ITGBL1: variants seen among roughly 807,000 people sequenced by gnomAD.
ITGBL1 encodes integrin subunit beta like 1, also known as integrin beta-like protein 1.
ITGBL1 carries 51 observed loss-of-function variants against 68.5 expected under a neutral mutation model. The ratio of observed to expected loss-of-function variants is 0.74; its 90% CI spans 0.59 to 0.94. ITGBL1 has a LOEUF of 0.94. ITGBL1 is among the 40% of genes least tolerant of loss of function. ITGBL1 has a pLI of 0.00. For synonymous variants in ITGBL1, 209 were observed against 227.3 expected (o/e 0.92, Z 0.72); for missense variants, 649 against 647.4 (o/e 1.00, Z -0.03).
chr13:101,617,653 T>A (rs1274332227), intron 7 of ITGBL1, among the ~76,000 whole-genome samples: 1 of 152,170 alleles, frequency 6.6e-6, no homozygotes. Flanking sequence ...AGAAATTTAA[T>A]AAAAAATATA....
intron 2 of ITGBL1, among the ~76,000 whole-genome samples, chr13:101,518,374 G>A (rs1436670793): frequency 6.6e-6 from 1 of 152,066 alleles, no homozygotes; most frequent in Non-Finnish European, 1.5e-5. Flanking sequence ...TTGTTATGTT[G>A]CTGGATAAAT....
chr13:101,574,471 G>C (rs893411281), intron 3 of ITGBL1, among the ~76,000 whole-genome samples: 1 of 152,010 alleles, frequency 6.6e-6, no homozygotes. Flanking sequence ...TTGCACTTCT[G>C]TATTTATTTT....
At chr13:101,510,345 CT>C (rs1455880103) in intron 2 of ITGBL1, among the ~76,000 whole-genome samples, 1 of 152,040 alleles carries the variant, frequency 6.6e-6, no homozygotes, top group Non-Finnish European at 1.5e-5. Context: ...TGATTTCATT[CT>C]TTTTTATGGT....
At chr13:101,556,662 A>C (rs2050012318) in intron 2 of ITGBL1, among the ~76,000 whole-genome samples, 1 of 152,052 alleles carries the variant, frequency 6.6e-6, no homozygotes. Flanking sequence ...GAAAAGAGAC[A>C]CAGAGACATG....
intron 6 of ITGBL1, among the ~76,000 whole-genome samples, chr13:101,586,724 G>A (rs1416849869): frequency 6.6e-6 from 1 of 152,032 alleles, no homozygotes; most frequent in Admixed American, 6.6e-5. Context: ...TGTCCTCTGG[G>A]TACTCAGATT....
chr13:101,583,649 T>C (rs2050502597), intron 6 of ITGBL1, among the ~76,000 whole-genome samples: 1 of 152,168 alleles, frequency 6.6e-6, no homozygotes, highest in Non-Finnish European at 1.5e-5. Context: ...CCCATAAACA[T>C]ATGCATCTAC....
chr13:101,521,002 G>A (rs528715462), intron 2 of ITGBL1, among the ~76,000 whole-genome samples: 3 of 152,268 alleles, frequency 2.0e-5, no homozygotes, highest in Admixed American at 1.3e-4. Context: ...TCAGAATGCC[G>A]ACTGAGAGAC....
In ITGBL1 at chr13:101,653,868, TTG is replaced by T. The variant is rs1429945204; in HGVS notation, c.1016-38715_1016-38714del. On this transcript the variant is annotated intron_variant, in intron 7 of 10. Coordinates refer to ENST00000376180, the MANE Select transcript of ITGBL1 (RefSeq NM_004791.3). ...CATGCCCAGCTACTTTTTTTGTTTT[TTG>T]TTTTTTTTTTTTTGTATTTTTAGTA... 1.5e-3 allele frequency among the ~76,000 whole-genome samples: 116 copies of T among 77,142 alleles called. 7 individuals carry two copies. The highest frequency in any genetic ancestry group is 3.8e-3 in the East Asian group (12 of 3,124). The allele number at this position is 77,142 out of a possible 152,430, so 50.6% of individuals were successfully genotyped here.
At chr13:101,557,284 T>C (rs866995562) in intron 2 of ITGBL1, among the ~76,000 whole-genome samples, 23 of 152,352 alleles carry the variant, frequency 1.5e-4, no homozygotes, top group African/African-American at 4.6e-4. Flanking sequence ...CATTACACAG[T>C]GCTTTTACTT....
chr13:101,570,828 T>C (rs1446085550), intron 3 of ITGBL1, among the ~76,000 whole-genome samples: 2 of 152,180 alleles, frequency 1.3e-5, no homozygotes, highest in African/African-American at 4.8e-5. Context: ...AATGTAGACA[T>C]TTATAAGAAA....
chr13:101,716,456 A>AGT (rs1383649053), downstream of ITGBL1: 1 of 152,200 alleles, frequency 6.6e-6, no homozygotes, highest in African/African-American at 2.4e-5. Context: ...ACTCTGTGTC[A>AGT]GTATATATAT....
intron 7 of ITGBL1, among the ~76,000 whole-genome samples, chr13:101,642,031 A>T (rs997237174): frequency 4.6e-5 from 7 of 151,946 alleles, no homozygotes; most frequent in African/African-American, 1.5e-4. Flanking sequence ...ATACGTGTGC[A>T]TGTGTCTTTA....
In ITGBL1 at chr13:101,453,771, T is replaced by C. The variant is rs1011223179; in HGVS notation, c.99-112T>C. 2.7e-5 allele frequency: 16 copies of C among 599,538 alleles called. No homozygotes were observed. In the African/African-American group the frequency reaches 3.1e-4, roughly 12 times the overall value. The allele number at this position is 599,538 out of a possible 1,614,324, so 37.1% of individuals were successfully genotyped here. On this transcript the variant is annotated intron_variant, in intron 1 of 10. Transcript: ENST00000376180. ...GATGTGGGCCTCAGGCGTCCTGTTCTTGGGGTTGTACGTCTGCACCTGGAG... is the reference window on the plus strand; with the variant it reads ...GATGTGGGCCTCAGGCGTCCTGTTCCTGGGGTTGTACGTCTGCACCTGGAG...
intron 7 of ITGBL1, among the ~76,000 whole-genome samples, chr13:101,630,944 C>T (rs80055892): frequency 8.3e-4 from 126 of 152,222 alleles, no homozygotes; most frequent in African/African-American, 2.9e-3. Context: ...AATTTTGAAG[C>T]ATGTGTTCTG....
chr13:101,541,483 A>G (rs1040335463), intron 2 of ITGBL1, among the ~76,000 whole-genome samples: 12 of 152,002 alleles, frequency 7.9e-5, no homozygotes, highest in African/African-American at 1.4e-4. Flanking sequence ...TTCTGCGTCA[A>G]TGTTCATCAG....
intron 3 of ITGBL1, among the ~76,000 whole-genome samples, chr13:101,573,488 G>C (rs566701964): frequency 2.0e-4 from 31 of 152,146 alleles, no homozygotes; most frequent in African/African-American, 7.5e-4. Flanking sequence ...TATATTTTCT[G>C]GAGAAAATGT....
At chr13:101,683,438 C>A (rs543530904) in intron 7 of ITGBL1, among the ~76,000 whole-genome samples, 1 of 151,980 alleles carries the variant, frequency 6.6e-6, no homozygotes, top group African/African-American at 2.4e-5. Context: ...TATAGTGTTT[C>A]ATTTAAGAAT....
chr13:101,518,230 T>A (rs937411216), intron 2 of ITGBL1, among the ~76,000 whole-genome samples: 1 of 152,220 alleles, frequency 6.6e-6, no homozygotes, highest in South Asian at 2.1e-4. Context: ...TAAGGAACCA[T>A]AAAATCATGC....
At chr13:101,537,695 T>C (rs1224282137) in intron 2 of ITGBL1, among the ~76,000 whole-genome samples, 3 of 152,058 alleles carry the variant, frequency 2.0e-5, no homozygotes, top group Non-Finnish European at 4.4e-5. Context: ...CCCAGAGAAT[T>C]AAAATTGTCA....
Sources: gnomAD v4.1 joint callset for allele counts (sites outside exome capture counted in the v4.1 genomes callset) on GRCh38, gnomAD v4.1.1 for gene constraint, MANE v1.5 for transcripts, NCBI Gene and HGNC (gene_info 2026-07-23, HGNC 2026-07-21) for gene names.